The following SPECC1 variants were observed in gnomAD, a reference collection of about 807,000 sequenced individuals.
SPECC1 encodes the protein cytospin-B.
A neutral mutation model predicts 104.1 loss-of-function variants in SPECC1; 62 were observed. That is an observed-to-expected ratio of 0.60 (90% CI 0.49 to 0.74). The LOEUF (loss-of-function observed/expected upper bound fraction) is 0.74, where lower values mean the gene tolerates loss of function less well. Ranked by LOEUF, SPECC1 falls within the 30% of genes least tolerant of loss-of-function variation. SPECC1 has a pLI of 0.00. For missense variants in SPECC1, 1,306 were observed against 1,310.5 expected (o/e 1.00, Z 0.05); for synonymous variants, 513 against 501.6 (o/e 1.02, Z -0.30).
intron 1 of SPECC1, among the ~76,000 whole-genome samples, chr17:20,033,241 G>C (rs752453945): frequency 1.3e-5 from 2 of 152,212 alleles, no homozygotes; most frequent in Non-Finnish European, 2.9e-5. Context: ...TGGGATTACA[G>C]ACATAAGCTA....
intron 1 of SPECC1, among the ~76,000 whole-genome samples, chr17:20,051,084 CTTT>C (rs2045738358): frequency 2.6e-5 from 2 of 75,554 alleles, no homozygotes; most frequent in East Asian, 4.5e-4. Flanking sequence ...TTCTTTCTTT[CTTT>C]CTTTCTTTCT....
chr17:20,212,725 T>C (rs2037236735), intron 4 of SPECC1, among the ~76,000 whole-genome samples: 1 of 152,242 alleles, frequency 6.6e-6, no homozygotes, highest in South Asian at 2.1e-4. Context: ...TTTTAAACTA[T>C]ATGTAATTTT....
intron 3 of SPECC1, among the ~76,000 whole-genome samples, chr17:20,157,029 C>T (rs192270018): frequency 6.8e-4 from 103 of 152,070 alleles, no homozygotes; most frequent in Non-Finnish European, 1.1e-3. Context: ...GTGGGAGAGT[C>T]AGAACTGTAA....
intron 3 of SPECC1, among the ~76,000 whole-genome samples, chr17:20,184,205 A>T (rs866439635): frequency 4.6e-4 from 67 of 144,442 alleles, no homozygotes; most frequent in East Asian, 1.1e-3. Context: ...AAAAAAAAAG[A>T]TGTAGAGGTA....
chr17:20,128,340 T>C (rs1157288036), intron 3 of SPECC1, among the ~76,000 whole-genome samples: 1 of 152,160 alleles, frequency 6.6e-6, no homozygotes, highest in Non-Finnish European at 1.5e-5. Flanking sequence ...GAAAATTCAG[T>C]GTATAATAGC....
At chr17:20,302,142 GA>G (rs1164167742) in intron 13 of SPECC1, among the ~76,000 whole-genome samples, 3 of 152,374 alleles carry the variant, frequency 2.0e-5, no homozygotes, top group Admixed American at 6.5e-5. Context: ...AATGAAGTGT[GA>G]CCCTGAGAGG....
rs139459756 is a variant in SPECC1 at position 20,222,726 on chromosome 17, A to G, written c.1864-4687A>G. Among the ~76,000 whole-genome samples the G allele has an allele frequency of 1.6e-3, 246 of 152,252 alleles. 1 individual carries two copies. The highest frequency in any genetic ancestry group is 5.8e-3 in the African/African-American group (240 of 41,544). On this transcript the variant is annotated intron_variant, in intron 4 of 14. Transcript: ENST00000395527. ...TTACCAATGAGTTTTGTATGTTCAG[A>G]TGATTTCTTTTTGTTTGTTAATGTC... is the stretch of plus-strand genomic sequence containing the variant.
In SPECC1 at chr17:20,297,080, A is replaced by C. The variant is rs770341730; in HGVS notation, c.3057+3A>C. The C allele has an allele frequency of 1.2e-6, 2 of 1,612,846 alleles. No individual in the cohort carries two copies. Among genetic ancestry groups the C allele is most frequent in the Non-Finnish European group, 1.7e-6 (2 of 1,178,990 alleles). On this transcript the variant is annotated splice_donor_region_variant and intron_variant, in intron 13 of 14. Transcript: ENST00000395527. ...AGGAGCTGAATAGTCAGGAGAAAGT[A>C]AGTCATGGCCCTGTCACCTTGGTTA...
intron 1 of SPECC1, among the ~76,000 whole-genome samples, chr17:20,071,464 A>G (rs765657562): frequency 9.2e-5 from 14 of 152,172 alleles, no homozygotes; most frequent in Non-Finnish European, 1.8e-4. Context: ...ATAATCAATT[A>G]TTCTACCAGA....
intron 3 of SPECC1, chr17:20,156,132 G>C: frequency 7.2e-7 from 1 of 1,388,390 alleles, no homozygotes; most frequent in Non-Finnish European, 9.3e-7. Context: ...GAGCCAGCGC[G>C]AGCTCGGCAC....
chr17:20,113,605 T>A (rs1352028667), intron 3 of SPECC1, among the ~76,000 whole-genome samples: 1 of 152,214 alleles, frequency 6.6e-6, no homozygotes, highest in Non-Finnish European at 1.5e-5. Flanking sequence ...TACAGTAATA[T>A]CCAGTTCTTA....
intron 3 of SPECC1, among the ~76,000 whole-genome samples, chr17:20,188,334 C>T (rs2035421305): frequency 6.6e-6 from 1 of 150,760 alleles, no homozygotes; most frequent in African/African-American, 2.4e-5. Context: ...TCTCGGCTCA[C>T]TGCAGCCTCT....
At chr17:20,295,067 A>G (rs1236915796) in intron 12 of SPECC1, among the ~76,000 whole-genome samples, 1 of 151,884 alleles carries the variant, frequency 6.6e-6, no homozygotes, top group Non-Finnish European at 1.5e-5. Context: ...CATGTGCACA[A>G]TGTGCAGGTT....
At chr17:20,150,680 T>A (rs79629853) in intron 3 of SPECC1, among the ~76,000 whole-genome samples, 2 of 151,936 alleles carry the variant, frequency 1.3e-5, no homozygotes, top group South Asian at 2.1e-4. Flanking sequence ...TGAGCCACCG[T>A]GACTGGCCTG....
At position 20,272,691 on chromosome 17, in the gene SPECC1, A is replaced by G. The variant is rs149459495; in HGVS notation, c.2940+12397A>G. Among the ~76,000 whole-genome samples the G allele has an allele frequency of 3.1e-3, 470 of 152,336 alleles. 1 individual carries two copies. Among genetic ancestry groups the G allele is most frequent in the Non-Finnish European group, 5.2e-3 (351 of 68,028 alleles). On this transcript the variant is annotated intron_variant, in intron 12 of 14. Coordinates refer to ENST00000395527, the MANE Select transcript of SPECC1 (RefSeq NM_001243439.2). ...AGCATGATGTCCTCAAGGTTCATCCATGTTATAGCATGTGTCAAAATTTCC... is the reference window on the plus strand; with the variant it reads ...AGCATGATGTCCTCAAGGTTCATCCGTGTTATAGCATGTGTCAAAATTTCC...
chr17:20,156,433 T>C (rs1398002166), intron 3 of SPECC1, among the ~76,000 whole-genome samples: 1 of 152,150 alleles, frequency 6.6e-6, no homozygotes, highest in Non-Finnish European at 1.5e-5. Flanking sequence ...CAGAAAACGC[T>C]GCTCGTCCTG....
intron 4 of SPECC1, among the ~76,000 whole-genome samples, chr17:20,212,009 G>A (rs569757156): frequency 1.8e-4 from 28 of 152,278 alleles, no homozygotes; most frequent in African/African-American, 5.1e-4. Flanking sequence ...TTGTTGCTTC[G>A]AAAGGTCCCT....
intron 3 of SPECC1, among the ~76,000 whole-genome samples, chr17:20,166,813 G>C: frequency 6.6e-6 from 1 of 152,132 alleles, no homozygotes; most frequent in East Asian, 1.9e-4. Context: ...AAACTGAGAA[G>C]ACAACCCCAA....
chr17:20,227,208 A>G (rs904199573), intron 4 of SPECC1, among the ~76,000 whole-genome samples: 1 of 152,196 alleles, frequency 6.6e-6, no homozygotes, highest in Non-Finnish European at 1.5e-5. Context: ...GCACATGCCA[A>G]GGGCGTCTTT....
Sources: gnomAD v4.1 joint callset for allele counts (sites outside exome capture counted in the v4.1 genomes callset) on GRCh38, gnomAD v4.1.1 for gene constraint, MANE v1.5 for transcripts, NCBI Gene and HGNC (gene_info 2026-07-23, HGNC 2026-07-21) for gene names.